SUGCT: variants seen among roughly 807,000 people sequenced by gnomAD.
SUGCT encodes succinyl-CoA:glutarate-CoA transferase, also known as succinyl-CoA:glutarate CoA-transferase.
In SUGCT, 41 loss-of-function variants were observed where a neutral mutation model predicts 55.0. The observed-to-expected ratio is 0.74, with a 90% CI of 0.58 to 0.97. The LOEUF (loss-of-function observed/expected upper bound fraction) is 0.97, where lower values mean the gene tolerates loss of function less well. Ranked by LOEUF, SUGCT falls within the 50% of genes least tolerant of loss-of-function variation. The probability of loss-of-function intolerance (pLI) is 0.00; values close to 1 mark genes in which losing one functional copy is unlikely to be tolerated. For missense variants in SUGCT, 568 were observed against 547.8 expected (o/e 1.04, Z -0.37); for synonymous variants, 187 against 200.4 (o/e 0.93, Z 0.56).
chr7:40,499,176 G>C (rs1334818331), intron 12 of SUGCT: 2 of 455,158 alleles, frequency 4.4e-6, no homozygotes, highest in Non-Finnish European at 8.8e-6. Flanking sequence ...ACTGGAAATT[G>C]CTTTGGGTGA....
At chr7:40,818,421 A>G (rs544912469) in intron 13 of SUGCT, among the ~76,000 whole-genome samples, 2 of 152,242 alleles carry the variant, frequency 1.3e-5, no homozygotes, top group South Asian at 4.1e-4. Flanking sequence ...GGGCCCAGTC[A>G]GCTGTAGCCA....
chr7:40,399,195 T>A (rs1010117283), intron 9 of SUGCT, among the ~76,000 whole-genome samples: 1 of 152,176 alleles, frequency 6.6e-6, no homozygotes, highest in African/African-American at 2.4e-5. Context: ...ACTAATTTCT[T>A]ATTAGAAAAT....
At chr7:40,531,969 C>A (rs1035944348) in intron 12 of SUGCT, among the ~76,000 whole-genome samples, 2 of 152,182 alleles carry the variant, frequency 1.3e-5, no homozygotes, top group Non-Finnish European at 2.9e-5. Flanking sequence ...CCACCGCGCC[C>A]GGCCATATAT....
chr7:40,237,592 A>G (rs764930498), intron 6 of SUGCT, 43 bp from the exon 7 acceptor site: 2 of 1,494,486 alleles, frequency 1.3e-6, no homozygotes, highest in South Asian at 2.3e-5. Context: ...TGGTTTTAGC[A>G]CACCCTGTGT....
chr7:40,854,081 C>A (rs1213471594), intron 13 of SUGCT, among the ~76,000 whole-genome samples: 1 of 152,206 alleles, frequency 6.6e-6, no homozygotes, highest in East Asian at 1.9e-4. Context: ...TGCAGATATT[C>A]CATCAATTAC....
chr7:40,772,578 G>GCCATCTATCTAT (rs1789211970), intron 13 of SUGCT, among the ~76,000 whole-genome samples: 1 of 103,860 alleles, frequency 9.6e-6, no homozygotes, highest in Non-Finnish European at 2.1e-5. Context: ...TTATCTATCT[G>GCCATCTATCTAT]CTATCTATCT....
At chr7:40,925,997 G>C in the SUGCT span, among the ~76,000 whole-genome samples, 2 of 152,046 alleles carry the variant, frequency 1.3e-5, no homozygotes, top group Non-Finnish European at 2.9e-5. Context: ...AGGAGGCCAA[G>C]GTGGGAGGAT....
intron 8 of SUGCT, among the ~76,000 whole-genome samples, chr7:40,275,409 C>T (rs1055490576): frequency 5.3e-5 from 8 of 152,060 alleles, no homozygotes; most frequent in African/African-American, 1.9e-4. Flanking sequence ...GAAATATATT[C>T]AATGGAAAAA....
At position 40,256,643 on chromosome 7, in the gene SUGCT, A is replaced by G. The variant is rs138368495; in HGVS notation, c.577-17870A>G. On this transcript the variant is annotated intron_variant, in intron 7 of 13. Transcript: ENST00000335693. ...TTTGGACTGGGAATGAGGATTCTCA[A>G]TGGTCAGTAGTCCTTGTTACAGAAA... Among the ~76,000 whole-genome samples the G allele has an allele frequency of 6.1e-3, 930 of 152,348 alleles. 9 individuals carry two copies. Among genetic ancestry groups the G allele is most frequent in the African/African-American group, 0.021 (874 of 41,578 alleles).
intron 9 of SUGCT, among the ~76,000 whole-genome samples, chr7:40,361,313 G>A (rs545098137): frequency 2.0e-5 from 3 of 152,184 alleles, no homozygotes; most frequent in East Asian, 3.9e-4. Context: ...GGTGGCTCAC[G>A]CTGGTAATCC....
chr7:40,513,126 C>T (rs117110660), intron 12 of SUGCT, among the ~76,000 whole-genome samples: 1,848 of 152,246 alleles, frequency 0.012, 32 homozygotes, highest in South Asian at 0.016. Flanking sequence ...TAGCAGTCTT[C>T]AGGTCCAAGC....
At position 40,463,667 on chromosome 7, in the gene SUGCT, G is replaced by A. The variant is rs887074410; in HGVS notation, c.986+4469G>A. ...GCTGCCTGTTTTGGTCATCAGCTGC[G>A]TTTTCCACAGCCAGCACACACGATT... On this transcript the variant is annotated intron_variant, in intron 11 of 13. Coordinates refer to ENST00000335693, the MANE Select transcript of SUGCT (RefSeq NM_001193313.2). Among the ~76,000 whole-genome samples the A allele has an allele frequency of 5.3e-5, 8 of 152,202 alleles. No individual in the cohort carries two copies. The South Asian group carries it at 8.3e-4, about 16-fold the overall frequency.
chr7:40,438,769 G>A (rs1788309827), intron 9 of SUGCT, among the ~76,000 whole-genome samples: 1 of 151,648 alleles, frequency 6.6e-6, no homozygotes, highest in Non-Finnish European at 1.5e-5. Context: ...TCTGGTAGTG[G>A]TGTGTGTGCA....
At chr7:40,609,422 C>T (rs1471761682) in intron 12 of SUGCT, among the ~76,000 whole-genome samples, 2 of 151,786 alleles carry the variant, frequency 1.3e-5, no homozygotes, top group African/African-American at 4.8e-5. Flanking sequence ...AAAAAATTAG[C>T]CGGGCGTGGT....
At chr7:40,625,628 C>T (rs1280159134) in intron 12 of SUGCT, among the ~76,000 whole-genome samples, 1 of 152,128 alleles carries the variant, frequency 6.6e-6, no homozygotes, top group Non-Finnish European at 1.5e-5. Flanking sequence ...CCAGGCAACT[C>T]ATTAGGGTAT....
chr7:40,993,416 A>G, the SUGCT span, among the ~76,000 whole-genome samples: 1 of 152,126 alleles, frequency 6.6e-6, no homozygotes, highest in Non-Finnish European at 1.5e-5. Flanking sequence ...TTACAAATGG[A>G]CCTGAGCTCA....
the SUGCT span, among the ~76,000 whole-genome samples, chr7:40,880,384 G>A: frequency 2.6e-5 from 4 of 152,128 alleles, no homozygotes; most frequent in African/African-American, 9.7e-5. Flanking sequence ...TACTAAAATA[G>A]GTGTGATCAT....
chr7:40,673,648 C>T (rs996602783), intron 12 of SUGCT, among the ~76,000 whole-genome samples: 22 of 152,302 alleles, frequency 1.4e-4, no homozygotes, highest in Middle Eastern at 3.4e-3. Flanking sequence ...ATGTCTCTGA[C>T]TGAAGTACAA....
At position 40,467,204 on chromosome 7, in the gene SUGCT, GAAAA is replaced by G. The variant is rs762283927; in HGVS notation, c.986+8025_986+8028del. ...CGACAGAGCAAGACTCTAAGAAAAA[GAAAA>G]AAAAAAAAAAAAAAAAAAGCATGAA... On this transcript the variant is annotated intron_variant, in intron 11 of 13. Coordinates refer to ENST00000335693, the MANE Select transcript of SUGCT (RefSeq NM_001193313.2). 9.7e-3 allele frequency among the ~76,000 whole-genome samples: 814 copies of G among 83,646 alleles called. 4 individuals are homozygous for G. Among genetic ancestry groups the G allele is most frequent in the Middle Eastern group, 0.033 (4 of 120 alleles). 54.9% of individuals were successfully genotyped at this position (83,646 alleles called of 152,430 possible).
Sources: allele counts gnomAD v4.1 joint callset (sites outside exome capture counted in the v4.1 genomes callset), GRCh38; gene constraint gnomAD v4.1.1; transcripts MANE v1.5; gene names NCBI Gene and HGNC (gene_info 2026-07-23, HGNC 2026-07-21).